The following AKT3 variants were observed in gnomAD, a reference collection of about 807,000 sequenced individuals.
AKT3 encodes the protein RAC-gamma serine/threonine-protein kinase.
A neutral mutation model predicts 65.3 loss-of-function variants in AKT3; 15 were observed. The observed-to-expected ratio is 0.23, with a 90% CI of 0.15 to 0.35. AKT3 has a LOEUF of 0.35. AKT3 is among the 10% of genes least tolerant of loss of function. The probability of loss-of-function intolerance (pLI) is 1.00; values close to 1 mark genes in which losing one functional copy is unlikely to be tolerated. For missense variants in AKT3, 243 were observed against 576.5 expected, an observed-to-expected ratio of 0.42 and a Z score of 5.92; for synonymous variants, 206 against 183.8, an observed-to-expected ratio of 1.12 and a Z score of -0.98.
chr1:243,563,874 T>A lies in AKT3; in HGVS notation c.820-26A>T. The A allele has an allele frequency of 2.5e-6, 4 of 1,596,514 alleles. No individual in the cohort carries two copies. The South Asian group carries it at 4.6e-5, about 18-fold the overall frequency. On this transcript the variant is annotated intron_variant, in intron 9 of 13. Coordinates refer to ENST00000673466, the MANE Select transcript of AKT3 (RefSeq NM_005465.7). The stretch of plus-strand genomic sequence containing the variant: ...CTGTGTATTAAGAAAAATGACATAA[T>A]TTGTTCTATAGTCTTCAACAACATG...
chr1:243,545,643 A>G (rs1330903744), intron 11 of AKT3, 46 bp from the exon 12 acceptor site: 8 of 1,320,060 alleles, frequency 6.1e-6, no homozygotes, highest in Non-Finnish European at 8.7e-6. Flanking sequence ...ACATTTACAT[A>G]AGCTCAAAGC....
intron 4 of AKT3, among the ~76,000 whole-genome samples, chr1:243,654,945 A>G (rs998618245): frequency 1.3e-5 from 2 of 152,060 alleles, no homozygotes; most frequent in Non-Finnish European, 1.5e-5. Flanking sequence ...GATTTATAGG[A>G]CTTTTGAAAC....
chr1:243,787,852 TC>T (rs1691361620), intron 2 of AKT3, among the ~76,000 whole-genome samples: 1 of 152,050 alleles, frequency 6.6e-6, no homozygotes, highest in South Asian at 2.1e-4. Context: ...TCCTAGGTGT[TC>T]CTCCCACTCC....
chr1:243,587,718 C>A (rs570059509), intron 8 of AKT3, among the ~76,000 whole-genome samples: 7 of 152,216 alleles, frequency 4.6e-5, no homozygotes, highest in Admixed American at 3.9e-4. Flanking sequence ...TGAAAACGGC[C>A]TTCCAACCAG....
intron 13 of AKT3, among the ~76,000 whole-genome samples, chr1:243,509,220 T>A (rs1669868761): frequency 6.6e-6 from 1 of 152,112 alleles, no homozygotes; most frequent in East Asian, 1.9e-4. Flanking sequence ...CTTGATGGCT[T>A]TTATATTGCT....
chr1:243,629,748 C>T (rs958542897), intron 6 of AKT3, among the ~76,000 whole-genome samples: 2 of 152,114 alleles, frequency 1.3e-5, no homozygotes, highest in African/African-American at 4.8e-5. Flanking sequence ...GCCGAGATCG[C>T]GCCACTGCAC....
chr1:243,688,340 T>G (rs898478845), intron 3 of AKT3, among the ~76,000 whole-genome samples: 1 of 151,952 alleles, frequency 6.6e-6, no homozygotes. Context: ...TGAAAAGATA[T>G]AGGCTATAAA....
At chr1:243,847,084 G>A (rs1013280420) in intron 1 of AKT3, among the ~76,000 whole-genome samples, 1 of 152,114 alleles carries the variant, frequency 6.6e-6, no homozygotes, top group Non-Finnish European at 1.5e-5. Flanking sequence ...GGTATGCTGT[G>A]TGACCAGGAT....
chr1:243,572,784 T>C (rs952409851), intron 9 of AKT3, 142 bp downstream of exon 9: 4 of 895,606 alleles, frequency 4.5e-6, no homozygotes, highest in African/African-American at 3.4e-5. Flanking sequence ...CCTTCAAATG[T>C]AGTGAACTAA....
chr1:243,560,294 C>T (rs1418670235), intron 10 of AKT3, among the ~76,000 whole-genome samples: 2 of 152,100 alleles, frequency 1.3e-5, no homozygotes, highest in African/African-American at 2.4e-5. Context: ...GTTGTATTCC[C>T]AGTACCTAAT....
intron 2 of AKT3, among the ~76,000 whole-genome samples, chr1:243,784,870 C>G (rs1055700172): frequency 3.9e-5 from 6 of 152,170 alleles, no homozygotes; most frequent in African/African-American, 1.4e-4. Context: ...AAGGGATCCT[C>G]CTACCTCAGC....
At chr1:243,739,456 T>A (rs930657484) in intron 2 of AKT3, 1 of 152,240 alleles carries the variant, frequency 6.6e-6, no homozygotes, top group African/African-American at 2.4e-5. Context: ...TTGTTTAAAA[T>A]TTTAAGTTAA....
chr1:243,631,285 G>C (rs1218699743), intron 6 of AKT3, among the ~76,000 whole-genome samples: 1 of 152,172 alleles, frequency 6.6e-6, no homozygotes, highest in African/African-American at 2.4e-5. Context: ...CAGGGTGGCA[G>C]TTGCCAAAGG....
chr1:243,629,382 C>T (rs1679428726), intron 6 of AKT3, among the ~76,000 whole-genome samples: 1 of 152,164 alleles, frequency 6.6e-6, no homozygotes, highest in South Asian at 2.1e-4. Flanking sequence ...TAAAGTAGGA[C>T]ATGTTGATGG....
chr1:243,690,254 C>T (rs912496871), intron 3 of AKT3, among the ~76,000 whole-genome samples: 1 of 152,104 alleles, frequency 6.6e-6, no homozygotes. Context: ...GTGGGAACTA[C>T]TCCCACTCTG....
At chr1:243,794,928 C>T (rs115237713) in intron 2 of AKT3, among the ~76,000 whole-genome samples, 63 of 152,306 alleles carry the variant, frequency 4.1e-4, no homozygotes, top group African/African-American at 1.4e-3. Flanking sequence ...ATTTAGTTGA[C>T]GTTGTTTGCC....
chr1:243,581,963 AAT>A (rs2148526745), intron 8 of AKT3, among the ~76,000 whole-genome samples: 1 of 152,136 alleles, frequency 6.6e-6, no homozygotes, highest in African/African-American at 2.4e-5. Context: ...AAGCTTTAAC[AAT>A]AGACCGGCCC....
At chr1:243,580,976 C>T (rs541237641) in intron 8 of AKT3, among the ~76,000 whole-genome samples, 4 of 152,302 alleles carry the variant, frequency 2.6e-5, no homozygotes, top group Admixed American at 2.6e-4. Flanking sequence ...CCCCACCCCT[C>T]CTATGCAGAG....
chr1:243,528,263 T>C (rs1671291448), intron 12 of AKT3, among the ~76,000 whole-genome samples: 1 of 152,186 alleles, frequency 6.6e-6, no homozygotes, highest in Non-Finnish European at 1.5e-5. Flanking sequence ...GAAATAAATA[T>C]CACCCATTCT....
Sources: gnomAD v4.1 joint callset for allele counts (sites outside exome capture counted in the v4.1 genomes callset) on GRCh38, gnomAD v4.1.1 for gene constraint, MANE v1.5 for transcripts, NCBI Gene and HGNC (gene_info 2026-07-23, HGNC 2026-07-21) for gene names.